Variants in FAM135B observed in about 807,000 individuals in gnomAD.
FAM135B encodes family with sequence similarity 135 member B.
Under a neutral mutation model 127.7 loss-of-function variants are expected in FAM135B, and 43 were observed. The observed-to-expected ratio is 0.34, with a 90% confidence interval of 0.26 to 0.43. FAM135B has a LOEUF of 0.43. Ranked by LOEUF, FAM135B falls within the 20% of genes least tolerant of loss-of-function variation. The pLI is 1.00. For missense variants in FAM135B, 1,558 were observed against 1,725.6 expected (o/e 0.90, Z 1.72); for synonymous variants, 670 against 665.1 (o/e 1.01, Z -0.11).
chr8:138,367,860 A>AACACACACAC lies in FAM135B; in HGVS notation c.77+37_77+46dup, dbSNP rs3084240. 1.0e-4 allele frequency: 126 copies of AACACACACAC among 1,240,438 alleles called. No individual in the cohort carries two copies. The African/African-American group carries it at 1.4e-3, about 13-fold the overall frequency. 76.8% of individuals were successfully genotyped at this position (1,240,438 alleles called of 1,614,324 possible). A position where few individuals can be genotyped will look rare whatever the true frequency, so the allele number is the denominator to read the frequency against. ...CCTTCTTCCACGGAAAGAAACAAAC[A>AACACACACAC]ACACACACACACACACACACACACA... is the stretch of plus-strand genomic sequence containing the variant. On this transcript the variant is annotated intron_variant, in intron 2 of 19. Coordinates refer to ENST00000395297, the MANE Select transcript of FAM135B (RefSeq NM_015912.4).
chr8:138,280,295 T>TGC, intron 3 of FAM135B, among the ~76,000 whole-genome samples: 2 of 152,334 alleles, frequency 1.3e-5, no homozygotes, highest in East Asian at 3.9e-4. Flanking sequence ...TTGGCTCTAG[T>TGC]ATCAGTGAAC....
At chr8:138,444,600 C>A (rs1002756076) in intron 1 of FAM135B, among the ~76,000 whole-genome samples, 1 of 151,924 alleles carries the variant, frequency 6.6e-6, no homozygotes, top group Non-Finnish European at 1.5e-5. Context: ...TCTTTGAAAC[C>A]CACGAGAACA....
chr8:138,266,120 T>C (rs1483226920), intron 3 of FAM135B, among the ~76,000 whole-genome samples: 2 of 152,164 alleles, frequency 1.3e-5, no homozygotes, highest in East Asian at 3.9e-4. Flanking sequence ...TGCTATGCAG[T>C]GCCTGCTCAA....
intron 12 of FAM135B, among the ~76,000 whole-genome samples, chr8:138,164,765 C>G (rs1467034806): frequency 6.6e-6 from 1 of 152,204 alleles, no homozygotes. Context: ...TAAAACCAAG[C>G]TGTGCTCTGA....
At chr8:138,364,045 C>T (rs1261030091) in intron 2 of FAM135B, among the ~76,000 whole-genome samples, 1 of 152,168 alleles carries the variant, frequency 6.6e-6, no homozygotes, top group Non-Finnish European at 1.5e-5. Context: ...ATCTACATTT[C>T]TTCTCCTTAC....
At chr8:138,489,282 T>TC (rs1460052467) in intron 1 of FAM135B, among the ~76,000 whole-genome samples, 1 of 152,116 alleles carries the variant, frequency 6.6e-6, no homozygotes, top group Non-Finnish European at 1.5e-5. Context: ...GCAAAGCCAA[T>TC]CCATCAGACT....
At chr8:138,414,359 A>G (rs1437454958) in intron 1 of FAM135B, among the ~76,000 whole-genome samples, 2 of 152,198 alleles carry the variant, frequency 1.3e-5, no homozygotes, top group African/African-American at 4.8e-5. Context: ...ACAGGAATGA[A>G]TGGAGAACAA....
chr8:138,411,776 C>T (rs1178463253), intron 1 of FAM135B, among the ~76,000 whole-genome samples: 1 of 152,150 alleles, frequency 6.6e-6, no homozygotes, highest in East Asian at 1.9e-4. Flanking sequence ...CTTGTATGTT[C>T]ATAGCAGTAC....
At chr8:138,463,612 C>T (rs1272708755) in intron 1 of FAM135B, among the ~76,000 whole-genome samples, 5 of 152,102 alleles carry the variant, frequency 3.3e-5, no homozygotes, top group African/African-American at 1.2e-4. Flanking sequence ...GTAAAGCGCT[C>T]CACAAATACC....
intron 3 of FAM135B, among the ~76,000 whole-genome samples, chr8:138,273,250 G>A (rs1823524578): frequency 6.6e-6 from 1 of 152,188 alleles, no homozygotes; most frequent in Non-Finnish European, 1.5e-5. Context: ...CTGTAGCCCA[G>A]GCTGGAGTGC....
chr8:138,431,589 A>G (rs1835189299), intron 1 of FAM135B, among the ~76,000 whole-genome samples: 2 of 152,246 alleles, frequency 1.3e-5, no homozygotes, highest in South Asian at 4.1e-4. Flanking sequence ...AACAGATCAC[A>G]TGGCCTGCAA....
chr8:138,393,410 T>C (rs966958063), intron 1 of FAM135B, among the ~76,000 whole-genome samples: 2 of 151,796 alleles, frequency 1.3e-5, no homozygotes, highest in Non-Finnish European at 2.9e-5. Context: ...CTGGCATTTA[T>C]GTCAGTCTCC....
chr8:138,379,166 T>A (rs762019366), intron 1 of FAM135B, among the ~76,000 whole-genome samples: 1 of 152,168 alleles, frequency 6.6e-6, no homozygotes, highest in Non-Finnish European at 1.5e-5. Context: ...ACAAGGAGCA[T>A]ACTGTCTCCA....
intron 1 of FAM135B, among the ~76,000 whole-genome samples, chr8:138,467,611 G>A (rs1397162659): frequency 1.3e-5 from 2 of 152,098 alleles, no homozygotes; most frequent in African/African-American, 4.8e-5. Flanking sequence ...GACACTTTGA[G>A]AAAACAATCA....
chr8:138,288,757 G>C (rs763326498), intron 3 of FAM135B, among the ~76,000 whole-genome samples: 80 of 152,142 alleles, frequency 5.3e-4, no homozygotes, highest in Non-Finnish European at 1.2e-4. Context: ...CTTTTAAGAA[G>C]ATAATTTTCT....
rs561605759 is a variant in FAM135B at position 138,173,242 on chromosome 8, G to A, written c.1103+4105C>T. Among the ~76,000 whole-genome samples, 61 of 152,288 alleles carry A rather than the reference G, an allele frequency of 4.0e-4. 1 individual carries two copies. Among genetic ancestry groups the A allele is most frequent in the Middle Eastern group, 6.8e-3 (2 of 294 alleles). On this transcript the variant is annotated intron_variant, in intron 11 of 19. Coordinates refer to ENST00000395297, the MANE Select transcript of FAM135B (RefSeq NM_015912.4). Reference sequence around the variant, plus strand: ...GTTTACCTGAGTCCGGGCTTATGCTGTCGGACTGTAACCCTGACTCCAGGA... The same window carrying A: ...GTTTACCTGAGTCCGGGCTTATGCTATCGGACTGTAACCCTGACTCCAGGA...
chr8:138,386,004 T>A (rs918462258), intron 1 of FAM135B, among the ~76,000 whole-genome samples: 3 of 151,986 alleles, frequency 2.0e-5, no homozygotes, highest in Non-Finnish European at 4.4e-5. Context: ...GTGGATCACC[T>A]GAGGTCAAGA....
At chr8:138,320,073 C>A (rs539919837) in intron 2 of FAM135B, among the ~76,000 whole-genome samples, 1 of 152,140 alleles carries the variant, frequency 6.6e-6, no homozygotes, top group Non-Finnish European at 1.5e-5. Context: ...AGCGCCTCCA[C>A]GCAGTAATAC....
At chr8:138,157,896 G>A (rs1348877468) in intron 12 of FAM135B, among the ~76,000 whole-genome samples, 1 of 152,164 alleles carries the variant, frequency 6.6e-6, no homozygotes, top group Non-Finnish European at 1.5e-5. Flanking sequence ...TAGATTCAAT[G>A]CCACCCTCAT....
Sources: allele counts gnomAD v4.1 joint callset (sites outside exome capture counted in the v4.1 genomes callset), GRCh38; gene constraint gnomAD v4.1.1; transcripts MANE v1.5; gene names NCBI Gene and HGNC (gene_info 2026-07-23, HGNC 2026-07-21).